The following TIAM1 variants were observed in gnomAD, a reference collection of about 807,000 sequenced individuals.
TIAM1 encodes the protein rho guanine nucleotide exchange factor TIAM1.
TIAM1 carries 65 observed loss-of-function variants against 163.5 expected under a neutral mutation model. That is an observed-to-expected ratio of 0.40 (90% CI 0.33 to 0.49). The LOEUF is 0.49. Among genes scored for constraint, TIAM1 ranks in the 20% least tolerant of loss-of-function variants. The pLI, the probability that TIAM1 is intolerant of heterozygous loss-of-function variation, is 0.77. For missense variants in TIAM1, 1,789 were observed against 2,044.7 expected, an observed-to-expected ratio of 0.87 and a Z score of 2.41; for synonymous variants, 833 against 810.1, an observed-to-expected ratio of 1.03 and a Z score of -0.48.
At chr21:31,450,038 TATAAGGGATA>T in intron 2 of TIAM1, among the ~76,000 whole-genome samples, 1 of 152,064 alleles carries the variant, frequency 6.6e-6, no homozygotes, top group East Asian at 1.9e-4. Context: ...CCCCACAGAA[TATAAGGGATA>T]ATGGAAGGAG....
intron 1 of TIAM1, among the ~76,000 whole-genome samples, chr21:31,490,573 G>A (rs909447293): frequency 5.9e-5 from 9 of 152,094 alleles, no homozygotes; most frequent in African/African-American, 1.9e-4. Flanking sequence ...CCGCTGCCCA[G>A]CCCCAGCCTG....
intron 2 of TIAM1, among the ~76,000 whole-genome samples, chr21:31,450,724 C>T (rs116012257): frequency 0.018 from 2,692 of 152,150 alleles, 75 homozygotes; most frequent in African/African-American, 0.061. Context: ...TGGCAGAAGG[C>T]GAAACGCGTG....
intron 20 of TIAM1, among the ~76,000 whole-genome samples, chr21:31,144,097 T>C (rs972212533): frequency 1.3e-5 from 2 of 152,196 alleles, no homozygotes; most frequent in Non-Finnish European, 2.9e-5. Context: ...AATCTTGTTA[T>C]CCCTTTTAAG....
At chr21:31,451,712 T>TGTGC (rs1162456275) in intron 2 of TIAM1, among the ~76,000 whole-genome samples, 1 of 39,436 alleles carries the variant, frequency 2.5e-5, no homozygotes, top group Non-Finnish European at 5.6e-5. Flanking sequence ...TGAAAGCATG[T>TGTGC]GTGTGCGTGT....
intron 2 of TIAM1, among the ~76,000 whole-genome samples, chr21:31,458,381 T>C (rs2045192561): frequency 6.6e-6 from 1 of 151,438 alleles, no homozygotes; most frequent in African/African-American, 2.4e-5. Flanking sequence ...GATCACACCA[T>C]TGCACTCCAG....
chr21:31,286,051 C>A (rs2073797175), intron 2 of TIAM1, among the ~76,000 whole-genome samples: 1 of 151,870 alleles, frequency 6.6e-6, no homozygotes, highest in African/African-American at 2.4e-5. Flanking sequence ...AGGTATTGGG[C>A]AAGTATGATA....
intron 16 of TIAM1, among the ~76,000 whole-genome samples, chr21:31,162,684 C>A (rs1251536229): frequency 6.6e-6 from 1 of 150,994 alleles, no homozygotes; most frequent in Non-Finnish European, 1.5e-5. Flanking sequence ...CACTGTCTCC[C>A]AGGCTGGAGT....
At chr21:31,333,915 A>C (rs1007172845) in intron 2 of TIAM1, among the ~76,000 whole-genome samples, 1 of 152,196 alleles carries the variant, frequency 6.6e-6, no homozygotes, top group Admixed American at 6.5e-5. Flanking sequence ...CTCCCCCCCA[A>C]AAAATTAATA....
intron 1 of TIAM1, among the ~76,000 whole-genome samples, chr21:31,531,680 C>CA (rs1556021661): frequency 6.6e-6 from 1 of 151,012 alleles, no homozygotes; most frequent in East Asian, 1.9e-4. Flanking sequence ...GAATAATCTG[C>CA]TTTTTTTTAC....
At chr21:31,375,824 C>T (rs1251318945) in intron 2 of TIAM1, among the ~76,000 whole-genome samples, 1 of 151,738 alleles carries the variant, frequency 6.6e-6, no homozygotes, top group Non-Finnish European at 1.5e-5. Flanking sequence ...GTCAGGAGTT[C>T]GAGACCAGCC....
chr21:31,369,444 A>T (rs1439408349), intron 2 of TIAM1, among the ~76,000 whole-genome samples: 1 of 152,110 alleles, frequency 6.6e-6, no homozygotes, highest in Non-Finnish European at 1.5e-5. Context: ...AGGTTGCTTA[A>T]CAGATACCAA....
intron 1 of TIAM1, among the ~76,000 whole-genome samples, chr21:31,529,273 A>C (rs535021091): frequency 1.2e-4 from 18 of 151,476 alleles, no homozygotes; most frequent in Non-Finnish European, 2.4e-4. Context: ...GGAAAGGTGG[A>C]AAAAAAAAGT....
At chr21:31,247,350 T>C (rs770939696) in intron 5 of TIAM1, among the ~76,000 whole-genome samples, 7 of 152,068 alleles carry the variant, frequency 4.6e-5, no homozygotes, top group South Asian at 2.1e-4. Flanking sequence ...ATATTGCTTA[T>C]TGTTAAAAAA....
At chr21:31,478,014 G>A (rs556826097) in intron 1 of TIAM1, among the ~76,000 whole-genome samples, 1 of 152,314 alleles carries the variant, frequency 6.6e-6, no homozygotes, top group African/African-American at 2.4e-5. Flanking sequence ...ACCAGCTTAG[G>A]CAGTGCATGC....
chr21:31,320,472 C>T (rs2075274795), intron 2 of TIAM1, among the ~76,000 whole-genome samples: 1 of 152,162 alleles, frequency 6.6e-6, no homozygotes, highest in African/African-American at 2.4e-5. Flanking sequence ...ATTCACTTTA[C>T]ACTTCTGAAT....
At chr21:31,334,243 C>A (rs556175997) in intron 2 of TIAM1, among the ~76,000 whole-genome samples, 8 of 151,838 alleles carry the variant, frequency 5.3e-5, no homozygotes, top group Admixed American at 1.3e-4. Flanking sequence ...CTGCCTCCAG[C>A]CCTCCCCACC....
chr21:31,309,152 A>C (rs1325410062), intron 2 of TIAM1, among the ~76,000 whole-genome samples: 1 of 152,170 alleles, frequency 6.6e-6, no homozygotes, highest in Non-Finnish European at 1.5e-5. Context: ...TAACAGATGA[A>C]AGGTTTAAAG....
rs568134835 is a variant in TIAM1 at position 31,321,603 on chromosome 21, G to A, written c.-189+17640C>T. The stretch of plus-strand genomic sequence containing the variant: ...TGACCTCAGGTGATCCACCTGCCTC[G>A]GCCTCCCAAAGTGTTGGGATTACAG... On this transcript the variant is annotated intron_variant, in intron 2 of 27. Transcript: ENST00000541036. 7.9e-4 allele frequency among the ~76,000 whole-genome samples: 120 copies of A among 151,542 alleles called. 3 individuals carry two copies. In the South Asian group the frequency reaches 0.015, roughly 19 times the overall value.
At chr21:31,329,532 G>A (rs904156448) in intron 2 of TIAM1, among the ~76,000 whole-genome samples, 54 of 147,660 alleles carry the variant, frequency 3.7e-4, no homozygotes, top group African/African-American at 1.2e-3. Flanking sequence ...CACCCTTGAT[G>A]CAGGAAAGTG....
Sources: gnomAD v4.1 joint callset for allele counts (sites outside exome capture counted in the v4.1 genomes callset) on GRCh38, gnomAD v4.1.1 for gene constraint, MANE v1.5 for transcripts, NCBI Gene and HGNC (gene_info 2026-07-23, HGNC 2026-07-21) for gene names.